Variants in IREB2 observed in about 807,000 individuals in gnomAD.
IREB2 encodes iron-responsive element-binding protein 2.
IREB2 carries 39 observed loss-of-function variants against 118.8 expected under a neutral mutation model. That is an observed-to-expected ratio of 0.33 (90% CI 0.25 to 0.43). IREB2 has a LOEUF of 0.43. Among genes scored for constraint, IREB2 ranks in the 20% least tolerant of loss-of-function variants. The probability of loss-of-function intolerance (pLI) is 1.00; values close to 1 mark genes in which losing one functional copy is unlikely to be tolerated. For synonymous variants in IREB2, 372 were observed against 392.2 expected, an observed-to-expected ratio of 0.95 and a Z score of 0.61; for missense variants, 900 against 1,147.3, an observed-to-expected ratio of 0.78 and a Z score of 3.11.
chr15:78,487,090 C>A (rs199801431), intron 13 of IREB2, among the ~76,000 whole-genome samples: 1 of 152,064 alleles, frequency 6.6e-6, no homozygotes, highest in South Asian at 2.1e-4. Context: ...AGGACTGTGC[C>A]TGTAATCTTT....
chr15:78,457,146 T>A (rs776587401), intron 2 of IREB2, among the ~76,000 whole-genome samples: 3 of 152,200 alleles, frequency 2.0e-5, no homozygotes, highest in Admixed American at 6.5e-5. Flanking sequence ...CTTAGTACTC[T>A]ATGTCCTTAT....
chr15:78,454,227 A>G (rs1034516543), intron 2 of IREB2, among the ~76,000 whole-genome samples: 1 of 152,216 alleles, frequency 6.6e-6, no homozygotes, highest in African/African-American at 2.4e-5. Flanking sequence ...TTACACAAAG[A>G]TTTTCAAATG....
chr15:78,438,077 G>A, upstream of IREB2: 1 of 489,710 alleles, frequency 2.0e-6, no homozygotes, highest in South Asian at 2.9e-5. Context: ...CAGCGGCGAC[G>A]GCGCGAGAAA....
Position 78,439,808 on chromosome 15 carries a change from G to A in IREB2, c.33G>A (p.Glu11=), listed in dbSNP as rs1179267657. The A allele has an allele frequency of 3.8e-6, 6 of 1,589,622 alleles. No homozygotes were observed. The highest frequency in any genetic ancestry group is 5.1e-6 in the Non-Finnish European group (6 of 1,165,786). Reference sequence around the variant, plus strand: ...TTTTTTTTTCAGGATACGCCTTTGAGTACCTTATTGAAACATTAAATGACA... The same window carrying A: ...TTTTTTTTTCAGGATACGCCTTTGAATACCTTATTGAAACATTAAATGACA... MDAPKAGYAF[E]YLIETLNDSS... The change falls in exon 2 of 22, where the codon GAG becomes GAA. Residue 11 remains glutamate, a synonymous_variant. Coordinates refer to ENST00000258886, the MANE Select transcript of IREB2 (RefSeq NM_004136.4).
rs146491496 is a variant in IREB2, at chr15:78,496,506, G to T, written c.2596-620G>T. 8.5e-5 allele frequency among the ~76,000 whole-genome samples: 13 copies of T among 152,180 alleles called. No individual in the cohort carries two copies. In the East Asian group the frequency reaches 2.3e-3, roughly 27 times the overall value. On this transcript the variant is annotated intron_variant, in intron 20 of 21. Transcript: ENST00000258886. ...TGGTCTCAAACTCCTGGCTTCAAGT[G>T]ATCTGCCCACCTCGGCCTCCCATAG...
At chr15:78,447,678 G>A (rs1449861199) in intron 2 of IREB2, among the ~76,000 whole-genome samples, 2 of 152,010 alleles carry the variant, frequency 1.3e-5, no homozygotes, top group East Asian at 3.9e-4. Context: ...CTGAACTCCT[G>A]ACCTCAAGCA....
rs202227588 is a variant in IREB2 at position 78,490,432 on chromosome 15, A to G, written c.2087A>G (p.Lys696Arg). The G allele has an allele frequency of 4.4e-6, 7 of 1,599,870 alleles. No homozygotes were observed. The highest frequency in any genetic ancestry group is 5.1e-6 in the Non-Finnish European group (6 of 1,175,694). The change falls in exon 17 of 22, where the codon AAA becomes AGA. Residue 696 changes from lysine to arginine, a missense_variant. Coordinates refer to ENST00000258886, the MANE Select transcript of IREB2 (RefSeq NM_004136.4). The stretch of plus-strand genomic sequence containing the variant: ...AAACTGTATTCACAGATGGGGAATA[A>G]ACGGTGGAATTCCTTAGAAGCACCG... ...ALKDKIEMGN[K>R]RWNSLEAPDS... is the part of the protein sequence containing the mutation.
At chr15:78,479,466 C>T (rs2051529469) in intron 10 of IREB2, among the ~76,000 whole-genome samples, 1 of 149,516 alleles carries the variant, frequency 6.7e-6, no homozygotes, top group South Asian at 2.1e-4. Flanking sequence ...AAACTCCTGG[C>T]CTCAAGCAAT....
intron 2 of IREB2, among the ~76,000 whole-genome samples, chr15:78,455,776 G>A (rs1012814479): frequency 3.3e-5 from 5 of 152,172 alleles, no homozygotes; most frequent in Admixed American, 6.5e-5. Flanking sequence ...TGGAAAAGTT[G>A]AGGAAGAAAA....
At chr15:78,446,995 T>A (rs2050940422) in intron 2 of IREB2, among the ~76,000 whole-genome samples, 1 of 152,080 alleles carries the variant, frequency 6.6e-6, no homozygotes, top group South Asian at 2.1e-4. Flanking sequence ...AAAAAAAACT[T>A]TCTTCTACAT....
At chr15:78,480,566 G>A (rs1170303863) in intron 10 of IREB2, among the ~76,000 whole-genome samples, 1 of 151,356 alleles carries the variant, frequency 6.6e-6, no homozygotes, top group Non-Finnish European at 1.5e-5. Context: ...GTGGGGGCCT[G>A]TAATCCCAGC....
rs1237692000 is a variant in IREB2 at position 78,457,255 on chromosome 15, G to C, written c.107-5667G>C. Among the ~76,000 whole-genome samples the C allele has an allele frequency of 2.0e-5, 3 of 151,728 alleles. No individual in the cohort carries two copies. The East Asian group carries it at 5.8e-4, about 29-fold the overall frequency. On this transcript the variant is annotated intron_variant, in intron 2 of 21. Coordinates refer to ENST00000258886, the MANE Select transcript of IREB2 (RefSeq NM_004136.4). ...TTTTTTTTTCTTCTGTTGATGACATGCTATCTGGACTTCATCTTCTGGTCC... is the reference window on the plus strand; with the variant it reads ...TTTTTTTTTCTTCTGTTGATGACATCCTATCTGGACTTCATCTTCTGGTCC...
At chr15:78,440,370 C>CT (rs35095780) in intron 2 of IREB2, among the ~76,000 whole-genome samples, 56,034 of 143,754 alleles carry the variant, frequency 0.39, 10,943 homozygotes, top group East Asian at 0.47. Context: ...CTTTTCTTTT[C>CT]TTTTTTTTTT....
chr15:78,457,686 C>T (rs1307591538), intron 2 of IREB2, among the ~76,000 whole-genome samples: 1 of 152,042 alleles, frequency 6.6e-6, no homozygotes, highest in East Asian at 1.9e-4. Flanking sequence ...CAGTCCATTA[C>T]CAGTCATCCA....
chr15:78,438,330 C>G lies in IREB2; in HGVS notation c.-8C>G. ...CCCCTCCCCGGAGGGATAATATGGT[C>G]TCCGGCGATGGACGCCCCAAAAGCA... On this transcript the variant is annotated 5_prime_UTR_variant, in exon 1 of 22. Coordinates refer to ENST00000258886, the MANE Select transcript of IREB2 (RefSeq NM_004136.4). The G allele has an allele frequency of 6.3e-7, 1 of 1,591,422 alleles. No homozygotes were observed. The highest frequency in any genetic ancestry group is 8.5e-7 in the Non-Finnish European group (1 of 1,169,708).
chr15:78,481,582 G>T (rs1219441588), intron 10 of IREB2: 6 of 148,698 alleles, frequency 4.0e-5, no homozygotes, highest in African/African-American at 1.5e-4. Flanking sequence ...AGCCAGGATG[G>T]TCTCGATCTC....
At chr15:78,475,435 A>G (rs927955134) in intron 8 of IREB2, 2 of 152,200 alleles carry the variant, frequency 1.3e-5, no homozygotes, top group African/African-American at 4.8e-5. Context: ...CAGTAGTTAT[A>G]ATTTGAAAAA....
chr15:78,445,640 C>CA (rs1381686382), intron 2 of IREB2, among the ~76,000 whole-genome samples: 6 of 152,196 alleles, frequency 3.9e-5, no homozygotes, highest in African/African-American at 1.2e-4. Flanking sequence ...TTTGAATATC[C>CA]AGTCTTCCAT....
intron 11 of IREB2, among the ~76,000 whole-genome samples, chr15:78,484,198 T>A (rs2051621464): frequency 6.6e-6 from 1 of 152,178 alleles, no homozygotes; most frequent in African/African-American, 2.4e-5. Context: ...TTCTCTATTC[T>A]GAGATCTCTA....
Sources: gnomAD v4.1 joint callset for allele counts (sites outside exome capture counted in the v4.1 genomes callset) on GRCh38, gnomAD v4.1.1 for gene constraint, MANE v1.5 for transcripts, NCBI Gene and HGNC (gene_info 2026-07-23, HGNC 2026-07-21) for gene names.